ARPP21: variants seen among roughly 807,000 people sequenced by gnomAD.
The protein encoded by ARPP21 is cAMP regulated phosphoprotein 21, also known as cAMP-regulated phosphoprotein 21.
In ARPP21, 69 loss-of-function variants were observed where a neutral mutation model predicts 113.2. The ratio of observed to expected loss-of-function variants is 0.61; its 90% CI spans 0.50 to 0.74. The LOEUF (loss-of-function observed/expected upper bound fraction) is 0.74. Ranked by LOEUF, ARPP21 falls within the 30% of genes least tolerant of loss-of-function variation. The probability of loss-of-function intolerance (pLI) is 0.00; values close to 1 mark genes in which losing one functional copy is unlikely to be tolerated. For missense variants in ARPP21, 1,070 were observed against 1,037.4 expected, an observed-to-expected ratio of 1.03 and a Z score of -0.43; for synonymous variants, 368 against 375.5, an observed-to-expected ratio of 0.98 and a Z score of 0.23.
chr3:35,742,086 G>C (rs2094700528), intron 18 of ARPP21, among the ~76,000 whole-genome samples: 1 of 152,180 alleles, frequency 6.6e-6, no homozygotes, highest in East Asian at 1.9e-4. Flanking sequence ...GTAACCATTA[G>C]TCCTCATCAG....
At chr3:35,747,089 A>T (rs2095103034) in intron 19 of ARPP21, among the ~76,000 whole-genome samples, 1 of 152,116 alleles carries the variant, frequency 6.6e-6, no homozygotes, top group African/African-American at 2.4e-5. Context: ...GGTGGCTCAC[A>T]CCTATAATCC....
chr3:35,735,994 T>C (rs1576441693), intron 15 of ARPP21, among the ~76,000 whole-genome samples: 3 of 152,352 alleles, frequency 2.0e-5, no homozygotes, highest in South Asian at 4.1e-4. Context: ...TTTTTCATCG[T>C]TACCCAGTTG....
chr3:35,701,834 AAGTAGCAGCGC>A (rs558731100), intron 9 of ARPP21, among the ~76,000 whole-genome samples: 288 of 151,628 alleles, frequency 1.9e-3, no homozygotes, highest in African/African-American at 6.6e-3. Flanking sequence ...ATATTTTTTA[AAGTAGCAGCGC>A]AGTAGAACAA....
intron 16 of ARPP21, among the ~76,000 whole-genome samples, chr3:35,737,798 G>T (rs2094446970): frequency 6.6e-6 from 1 of 152,140 alleles, no homozygotes; most frequent in Non-Finnish European, 1.5e-5. Context: ...GGGAGGACTG[G>T]CTGTTCCTAC....
rs1368619808 is a variant in ARPP21 at position 35,712,509 on chromosome 3, G to GGT, written c.898-2927_898-2926dup. Among the ~76,000 whole-genome samples the GGT allele has an allele frequency of 2.3e-3, 245 of 108,564 alleles. 4 individuals carry two copies. The highest frequency in any genetic ancestry group is 9.2e-3 in the African/African-American group (235 of 25,434). The allele number at this position is 108,564 out of a possible 152,430, so 71.2% of individuals were successfully genotyped here. On this transcript the variant is annotated intron_variant, in intron 11 of 20. Coordinates refer to ENST00000684406, the MANE Select transcript of ARPP21 (RefSeq NM_001385562.1). ...TTTCCAAATATATCTTGGTGTCTAA[G>GGT]GTGTCTGTGTGTGTGTGTGTGTGTG...
intron 15 of ARPP21, among the ~76,000 whole-genome samples, chr3:35,734,808 C>T (rs1016086339): frequency 2.0e-5 from 3 of 152,140 alleles, no homozygotes; most frequent in African/African-American, 7.2e-5. Flanking sequence ...ATTTATTGAG[C>T]TATACAATAT....
chr3:35,695,319 T>A (rs373764633), intron 9 of ARPP21, among the ~76,000 whole-genome samples: 3 of 151,638 alleles, frequency 2.0e-5, no homozygotes, highest in East Asian at 3.9e-4. Flanking sequence ...TCATATAATA[T>A]ACACAGACAA....
chr3:35,738,350 CT>C (rs1273175098), intron 17 of ARPP21, 32 bp downstream of exon 17: 1 of 1,477,326 alleles, frequency 6.8e-7, no homozygotes, highest in Non-Finnish European at 9.1e-7. Flanking sequence ...ACTTTTTCCC[CT>C]AGGAAAGCAT....
At chr3:35,793,027 A>G (rs1162371937) in intron 20 of ARPP21, among the ~76,000 whole-genome samples, 1 of 152,210 alleles carries the variant, frequency 6.6e-6, no homozygotes, top group African/African-American at 2.4e-5. Flanking sequence ...TAAAAGTGTT[A>G]TGTATCCTTT....
In ARPP21 at chr3:35,715,221, G is replaced by A. The variant is rs7636343; in HGVS notation, c.898-218G>A. 1,976 of 480,186 alleles carry A rather than the reference G, an allele frequency of 4.1e-3. 21 individuals are homozygous for A. Among genetic ancestry groups the A allele is most frequent in the African/African-American group, 0.022 (1,139 of 51,528 alleles). 29.7% of individuals were successfully genotyped at this position (480,186 alleles called of 1,614,324 possible). A position where few individuals can be genotyped will look rare whatever the true frequency, so the allele number is the denominator to read the frequency against. ...GCCGAACAGACTAAATCTAAAACCT[G>A]GAGACGTCCTGAAGGAAAAATACCC... On this transcript the variant is annotated intron_variant, in intron 11 of 20. Coordinates refer to ENST00000684406, the MANE Select transcript of ARPP21 (RefSeq NM_001385562.1).
intron 5 of ARPP21, chr3:35,685,942 G>A (rs1485120699): frequency 1.1e-5 from 4 of 366,050 alleles, no homozygotes; most frequent in Non-Finnish European, 1.5e-5. Flanking sequence ...GCATAGAAAA[G>A]ATATTTTTTT....
At chr3:35,753,989 T>C (rs1049914870) in intron 19 of ARPP21, among the ~76,000 whole-genome samples, 1 of 149,848 alleles carries the variant, frequency 6.7e-6, no homozygotes, top group African/African-American at 2.5e-5. Flanking sequence ...TTTTCAAATA[T>C]CGCTTTTCTC....
At chr3:35,678,749 T>G (rs950388568) in intron 1 of ARPP21, 6 of 151,956 alleles carry the variant, frequency 3.9e-5, no homozygotes, top group Non-Finnish European at 5.9e-5. Flanking sequence ...CTGTGCTCAT[T>G]TAAACTTGGG....
chr3:35,655,542 T>C (rs565121160), intron 1 of ARPP21, among the ~76,000 whole-genome samples: 10 of 152,118 alleles, frequency 6.6e-5, no homozygotes, highest in South Asian at 6.2e-4. Context: ...AAATGAGGAC[T>C]CAGGGGTTTC....
At chr3:35,763,749 T>C (rs2095859676) in intron 19 of ARPP21, among the ~76,000 whole-genome samples, 2 of 152,194 alleles carry the variant, frequency 1.3e-5, no homozygotes. Context: ...AGTACCAGTA[T>C]AGAAACCATG....
intron 9 of ARPP21, among the ~76,000 whole-genome samples, chr3:35,698,027 A>G (rs1424836025): frequency 6.6e-6 from 1 of 151,560 alleles, no homozygotes; most frequent in Non-Finnish European, 1.5e-5. Flanking sequence ...TTTACTCTGC[A>G]CTTTTTACAG....
intron 19 of ARPP21, among the ~76,000 whole-genome samples, chr3:35,755,951 G>T (rs2095554428): frequency 6.6e-6 from 1 of 152,224 alleles, no homozygotes. Context: ...TATCTCAGAA[G>T]TAAGTACCCC....
chr3:35,648,113 C>T (rs897115444), intron 1 of ARPP21, among the ~76,000 whole-genome samples: 1 of 152,120 alleles, frequency 6.6e-6, no homozygotes, highest in African/African-American at 2.4e-5. Context: ...ATGCTTGACT[C>T]TTTCTGTGCT....
At chr3:35,692,875 G>A (rs1425121085) in intron 9 of ARPP21, among the ~76,000 whole-genome samples, 1 of 151,786 alleles carries the variant, frequency 6.6e-6, no homozygotes, top group East Asian at 2.0e-4. Context: ...AGCAGATATG[G>A]AACACTGATA....
Sources: allele counts gnomAD v4.1 joint callset (sites outside exome capture counted in the v4.1 genomes callset), GRCh38; gene constraint gnomAD v4.1.1; transcripts MANE v1.5; gene names NCBI Gene and HGNC (gene_info 2026-07-23, HGNC 2026-07-21).